The following TXNDC5 variants were observed in gnomAD, a reference collection of about 807,000 sequenced individuals.
The protein encoded by TXNDC5 is thioredoxin domain-containing protein 5.
TXNDC5 carries 44 observed loss-of-function variants against 52.6 expected under a neutral mutation model. The ratio of observed to expected loss-of-function variants is 0.84; its 90% CI spans 0.66 to 1.08. The LOEUF is 1.08. TXNDC5 is among the 50% of genes least tolerant of loss of function. The probability of loss-of-function intolerance (pLI) is 0.00; values close to 1 mark genes in which losing one functional copy is unlikely to be tolerated. For missense variants in TXNDC5, 600 were observed against 565.5 expected, an observed-to-expected ratio of 1.06 and a Z score of -0.62; for synonymous variants, 241 against 234.4, an observed-to-expected ratio of 1.03 and a Z score of -0.26.
Position 7,904,825 on chromosome 6 carries a change from T to C in TXNDC5, c.264-102A>G. ...GGGGACAATGGGGCTCTCAGTCCTT[T>C]CTTTACACCATTGCAGATGGCAGCT... On this transcript the variant is annotated intron_variant, in intron 1 of 9. Coordinates refer to ENST00000379757, the MANE Select transcript of TXNDC5 (RefSeq NM_030810.5). The C allele has an allele frequency of 3.6e-6, 5 of 1,399,894 alleles. No individual in the cohort carries two copies. In the South Asian group the frequency reaches 3.8e-5, roughly 11 times the overall value. 86.7% of individuals were successfully genotyped at this position (1,399,894 alleles called of 1,614,324 possible).
chr6:7,886,285 T>A (rs114027940), intron 7 of TXNDC5, among the ~76,000 whole-genome samples: 140 of 152,036 alleles, frequency 9.2e-4, no homozygotes, highest in African/African-American at 3.3e-3. Context: ...GGAGATGTGG[T>A]GAGGAGGTGG....
intron 9 of TXNDC5, among the ~76,000 whole-genome samples, chr6:7,884,127 G>A (rs888047014): frequency 5.9e-5 from 9 of 152,200 alleles, no homozygotes; most frequent in Admixed American, 1.3e-4. Context: ...CAGACAGCAA[G>A]GCCTGAAAAC....
intron 9 of TXNDC5, 80 bp from the exon 10 acceptor site, chr6:7,883,346 A>C: frequency 6.3e-7 from 1 of 1,590,680 alleles, no homozygotes; most frequent in Non-Finnish European, 8.6e-7. Context: ...AACCAGATAC[A>C]CTCCTACCGT....
intron 3 of TXNDC5, 121 bp from the exon 4 acceptor site, chr6:7,895,323 A>AC: frequency 1.2e-6 from 1 of 818,896 alleles, no homozygotes; most frequent in Non-Finnish European, 1.9e-6. Context: ...ACAACCTGGA[A>AC]CCCTTGTACG....
chr6:7,891,532 C>G, intron 5 of TXNDC5, 89 bp downstream of exon 5: 1 of 1,076,322 alleles, frequency 9.3e-7, no homozygotes. Context: ...AAGTTTGCGA[C>G]TTTGCACACG....
chr6:7,891,507 T>C, intron 5 of TXNDC5, 114 bp downstream of exon 5: 2 of 738,666 alleles, frequency 2.7e-6, no homozygotes, highest in South Asian at 2.0e-5. Context: ...GCACACTAAA[T>C]GGAATTAATA....
In TXNDC5 at chr6:7,882,889, C is replaced by T. The variant is rs1027980685; in HGVS notation, c.*255G>A. 2 of 397,748 alleles carry T rather than the reference C, an allele frequency of 5.0e-6. No individual in the cohort carries two copies. Among genetic ancestry groups the T allele is most frequent in the African/African-American group, 4.0e-5 (2 of 49,860 alleles). 24.6% of individuals were successfully genotyped at this position (397,748 alleles called of 1,614,324 possible). A position where few individuals can be genotyped will look rare whatever the true frequency, so the allele number is the denominator to read the frequency against. ...CATGTAAATTTCATCAAGAGAAGGT[C>T]AAAGGGGATATATCGCCACTGAAAA... On this transcript the variant is annotated 3_prime_UTR_variant, in exon 10 of 10. Coordinates refer to ENST00000379757, the MANE Select transcript of TXNDC5 (RefSeq NM_030810.5).
In TXNDC5 at chr6:7,910,696, G is replaced by A. The variant is rs1438085423; in HGVS notation, c.81C>T (p.Gly27=). 9.1e-7 allele frequency: 1 copy of A among 1,101,522 alleles called. No individual in the cohort carries two copies. Among genetic ancestry groups the A allele is most frequent in the Non-Finnish European group, 1.1e-6 (1 of 906,316 alleles). 68.2% of individuals were successfully genotyped at this position (1,101,522 alleles called of 1,614,324 possible). A position where few individuals can be genotyped will look rare whatever the true frequency, so the allele number is the denominator to read the frequency against. The part of the protein sequence containing the change: ...ALTALLLLLL[G]HGGGGRWGAR... ...CGCCCCAGCGCCCGCCGCCGCCATG[G>A]CCCAGCAGCAGCAGCAGCAGCGCAG... Residue 27 remains glycine, a synonymous_variant, in exon 1 of 10, where the codon GGC becomes GGT. Transcript: ENST00000379757.
intron 1 of TXNDC5, among the ~76,000 whole-genome samples, chr6:7,906,409 G>A (rs1004102423): frequency 2.6e-5 from 4 of 151,700 alleles, no homozygotes; most frequent in Admixed American, 6.6e-5. Flanking sequence ...GGTGGCACAC[G>A]CCTGTAATCT....
chr6:7,900,780 C>CA (rs1300731670), intron 2 of TXNDC5, among the ~76,000 whole-genome samples: 4 of 152,122 alleles, frequency 2.6e-5, no homozygotes, highest in Non-Finnish European at 5.9e-5. Flanking sequence ...GCTGTGCCCT[C>CA]ACATGGCAAA....
In TXNDC5 at chr6:7,888,784, T is replaced by C; in HGVS notation, c.884A>G (p.Gln295Arg). The C allele has an allele frequency of 1.2e-6, 2 of 1,614,188 alleles. No homozygotes were observed. Among genetic ancestry groups the C allele is most frequent in the South Asian group, 2.2e-5 (2 of 91,072 alleles). ...CTCCGTCGCTCCAGTCTCTGTGCGC[T>C]GCAGCTGCGACTCCACGTACTCCCT... ...SLREYVESQL[Q>R]RTETGATETV... Residue 295 changes from glutamine (Q) to arginine (R), a missense_variant, in exon 7 of 10, where the codon CAG becomes CGG. Coordinates refer to ENST00000379757, the MANE Select transcript of TXNDC5 (RefSeq NM_030810.5).
At chr6:7,903,274 G>A (rs7450390) in intron 2 of TXNDC5, among the ~76,000 whole-genome samples, 11,814 of 130,748 alleles carry the variant, frequency 0.09, 609 homozygotes, top group East Asian at 0.18. Flanking sequence ...ATGCTTTTAC[G>A]TAGATACAGA....
chr6:7,903,162 T>A (rs1760623181), intron 2 of TXNDC5, among the ~76,000 whole-genome samples: 1 of 152,228 alleles, frequency 6.6e-6, no homozygotes, highest in South Asian at 2.1e-4. Context: ...TCTCAACAGG[T>A]AAGCATTCAC....
chr6:7,893,661 T>G (rs1760273653), intron 4 of TXNDC5, among the ~76,000 whole-genome samples: 1 of 152,116 alleles, frequency 6.6e-6, no homozygotes, highest in Non-Finnish European at 1.5e-5. Context: ...CATGCTAGAG[T>G]TCTGCCGTCA....
chr6:7,903,253 T>G (rs78798406), intron 2 of TXNDC5, among the ~76,000 whole-genome samples: 149 of 150,844 alleles, frequency 9.9e-4, no homozygotes, highest in African/African-American at 3.5e-3. Flanking sequence ...CTATAAAGCA[T>G]AGAATAGTTA....
At chr6:7,884,668 T>A (rs1357948943) in intron 8 of TXNDC5, among the ~76,000 whole-genome samples, 180 bp from the exon 9 acceptor site, 1 of 152,164 alleles carries the variant, frequency 6.6e-6, no homozygotes, top group Non-Finnish European at 1.5e-5. Flanking sequence ...CTATCCCAAA[T>A]GAAGAACCCA....
At position 7,887,493 on chromosome 6, in the gene TXNDC5, T is replaced by A. The variant is rs995255477; in HGVS notation, c.963+1212A>T. Among the ~76,000 whole-genome samples the A allele has an allele frequency of 1.3e-4, 13 of 102,016 alleles. No individual in the cohort carries two copies. In the South Asian group the frequency reaches 1.6e-3, roughly 12 times the overall value. 66.9% of individuals were successfully genotyped at this position (102,016 alleles called of 152,430 possible). On this transcript the variant is annotated intron_variant, in intron 7 of 9. Coordinates refer to ENST00000379757, the MANE Select transcript of TXNDC5 (RefSeq NM_030810.5). ...CGGGAATCAGACTCGCCTCGGACCC[T>A]CCCTCCCTCTCCGCGCTGCACAGCG...
intron 8 of TXNDC5, 64 bp downstream of exon 8, chr6:7,885,897 C>G (rs1759955292): frequency 6.6e-7 from 1 of 1,507,626 alleles, no homozygotes. Context: ...GGCAGATGAG[C>G]TGAAAAACAT....
chr6:7,884,291 G>C, intron 9 of TXNDC5, 68 bp downstream of exon 9: 1 of 1,594,298 alleles, frequency 6.3e-7, no homozygotes, highest in South Asian at 1.1e-5. Flanking sequence ...TATCGTGGTT[G>C]AGGCACAGTT....
Sources: gnomAD v4.1 joint callset for allele counts (sites outside exome capture counted in the v4.1 genomes callset) on GRCh38, gnomAD v4.1.1 for gene constraint, MANE v1.5 for transcripts, NCBI Gene and HGNC (gene_info 2026-07-23, HGNC 2026-07-21) for gene names.